CEP112: variants seen among roughly 807,000 people sequenced by gnomAD.
The protein encoded by CEP112 is centrosomal protein 112.
In CEP112, 127 loss-of-function variants were observed where a neutral mutation model predicts 153.0. The observed-to-expected ratio is 0.83, with a 90% CI of 0.72 to 0.96. The LOEUF is 0.96. Ranked by LOEUF, CEP112 falls within the 40% of genes least tolerant of loss-of-function variation. CEP112 has a pLI of 0.00. For missense variants in CEP112, 1,089 were observed against 1,101.2 expected (o/e 0.99, Z 0.16); for synonymous variants, 358 against 374.4 (o/e 0.96, Z 0.51).
chr17:66,075,029 C>CAG (rs1262691047), intron 8 of CEP112, among the ~76,000 whole-genome samples: 4 of 152,160 alleles, frequency 2.6e-5, no homozygotes, highest in Admixed American at 2.0e-4. Flanking sequence ...TGACTTAACT[C>CAG]ATCACCAGTA....
chr17:66,056,482 C>A (rs539429478), intron 11 of CEP112, among the ~76,000 whole-genome samples: 1 of 152,210 alleles, frequency 6.6e-6, no homozygotes. Flanking sequence ...GGAGTCAACT[C>A]AAATGTCTAT....
At chr17:66,050,801 G>A (rs1244611167) in intron 12 of CEP112, among the ~76,000 whole-genome samples, 1 of 151,856 alleles carries the variant, frequency 6.6e-6, no homozygotes, top group Non-Finnish European at 1.5e-5. Flanking sequence ...GCTGATTTAG[G>A]GTTATGCTTT....
intron 20 of CEP112, among the ~76,000 whole-genome samples, chr17:65,883,190 CA>C (rs2059148033): frequency 6.6e-6 from 1 of 150,986 alleles, no homozygotes; most frequent in South Asian, 2.1e-4. Context: ...TAGAACACAG[CA>C]AAAGAAGATG....
intron 24 of CEP112, among the ~76,000 whole-genome samples, chr17:65,680,091 T>A (rs2047441080): frequency 6.6e-6 from 1 of 152,168 alleles, no homozygotes; most frequent in African/African-American, 2.4e-5. Context: ...GAAAAATCTG[T>A]CTTGTTTTAG....
At chr17:65,842,864 C>G (rs941125526) in intron 21 of CEP112, among the ~76,000 whole-genome samples, 4 of 151,942 alleles carry the variant, frequency 2.6e-5, no homozygotes, top group Non-Finnish European at 4.4e-5. Flanking sequence ...CTTAGTTTTT[C>G]TTTTTAATTA....
chr17:65,867,936 A>AG (rs78673383), intron 20 of CEP112, among the ~76,000 whole-genome samples: 130,887 of 151,646 alleles, frequency 0.86, 56,691 homozygotes, highest in East Asian at 0.94. Flanking sequence ...ATAATGTTGA[A>AG]GGGGAAAAAA....
At chr17:65,832,473 G>A (rs1254952595) in intron 21 of CEP112, among the ~76,000 whole-genome samples, 1 of 147,720 alleles carries the variant, frequency 6.8e-6, no homozygotes, top group Non-Finnish European at 1.5e-5. Flanking sequence ...TAATAAAGAA[G>A]AAAGAGAGAA....
At chr17:65,851,371 A>T (rs1023359793) in intron 21 of CEP112, among the ~76,000 whole-genome samples, 1 of 152,214 alleles carries the variant, frequency 6.6e-6, no homozygotes, top group East Asian at 1.9e-4. Context: ...TGGGAAAATA[A>T]GTCATCATTT....
intron 20 of CEP112, among the ~76,000 whole-genome samples, chr17:65,853,938 C>T (rs1450291834): frequency 1.3e-5 from 2 of 152,118 alleles, no homozygotes; most frequent in African/African-American, 4.8e-5. Context: ...TTTTTAAAAG[C>T]TTCATGTATG....
At chr17:65,964,556 T>C (rs1443309) in intron 17 of CEP112, among the ~76,000 whole-genome samples, 73,042 of 152,060 alleles carry the variant, frequency 0.48, 18,541 homozygotes, top group East Asian at 0.89. Context: ...ATATAAATTG[T>C]TATTGGGTAC....
chr17:65,905,836 T>C (rs1372233653), intron 19 of CEP112, among the ~76,000 whole-genome samples: 1 of 151,746 alleles, frequency 6.6e-6, no homozygotes, highest in Non-Finnish European at 1.5e-5. Context: ...TCCTAGCTAC[T>C]TGGGAGGCTG....
chr17:65,982,636 G>C (rs1200461125), intron 17 of CEP112, among the ~76,000 whole-genome samples: 4 of 152,340 alleles, frequency 2.6e-5, no homozygotes, highest in African/African-American at 9.6e-5. Flanking sequence ...CCAACTGCCA[G>C]AGTATTATTT....
intron 17 of CEP112, among the ~76,000 whole-genome samples, chr17:65,983,551 A>G (rs2063302391): frequency 6.6e-6 from 1 of 151,982 alleles, no homozygotes; most frequent in African/African-American, 2.4e-5. Context: ...TTCTCACTCT[A>G]TTGGTTCATG....
intron 20 of CEP112, among the ~76,000 whole-genome samples, chr17:65,865,051 A>AT (rs915923978): frequency 3.4e-5 from 5 of 148,110 alleles, no homozygotes; most frequent in African/African-American, 5.0e-5. Flanking sequence ...TGTTTTGTGG[A>AT]TTTTTTTTGA....
At chr17:66,170,701 T>A (rs1282146885) in intron 4 of CEP112, among the ~76,000 whole-genome samples, 1 of 151,898 alleles carries the variant, frequency 6.6e-6, no homozygotes, top group Non-Finnish European at 1.5e-5. Flanking sequence ...AGGCAGAGGT[T>A]GCAGTGAGCC....
intron 21 of CEP112, among the ~76,000 whole-genome samples, chr17:65,831,022 A>C (rs1278610178): frequency 1.3e-5 from 2 of 152,236 alleles, no homozygotes; most frequent in African/African-American, 4.8e-5. Flanking sequence ...CAGAATGGGA[A>C]GTAACAACAG....
intron 20 of CEP112, among the ~76,000 whole-genome samples, chr17:65,858,418 C>T (rs147635507): frequency 2.3e-3 from 355 of 152,126 alleles, no homozygotes; most frequent in African/African-American, 8.1e-3. Flanking sequence ...TTTTGTCTTG[C>T]GGCATTTTAT....
intron 21 of CEP112, among the ~76,000 whole-genome samples, chr17:65,836,672 G>A (rs1358089866): frequency 6.6e-6 from 1 of 152,192 alleles, no homozygotes; most frequent in Non-Finnish European, 1.5e-5. Context: ...TGACTGCAAT[G>A]CAATAATAGT....
At position 66,027,684 on chromosome 17, in the gene CEP112, A is replaced by G. The variant is rs2065274719; in HGVS notation, c.1597-124T>C. The G allele has an allele frequency of 4.5e-6, 3 of 673,622 alleles. No individual in the cohort carries two copies. In the South Asian group the frequency reaches 7.3e-5, roughly 16 times the overall value. 41.7% of individuals were successfully genotyped at this position (673,622 alleles called of 1,614,324 possible). On this transcript the variant is annotated intron_variant, in intron 15 of 26. Coordinates refer to ENST00000535342, the MANE Select transcript of CEP112 (RefSeq NM_001199165.4). ...ACTTCAGTTCAGAGTTTTGCATATG[A>G]TTAAGTAAGCCCTACAGGTAGAAAT...
Sources: allele counts gnomAD v4.1 joint callset (sites outside exome capture counted in the v4.1 genomes callset), GRCh38; gene constraint gnomAD v4.1.1; transcripts MANE v1.5; gene names NCBI Gene and HGNC (gene_info 2026-07-23, HGNC 2026-07-21).